The following LRRC7 variants were observed in gnomAD, a reference collection of about 807,000 sequenced individuals.
The protein encoded by LRRC7 is leucine rich repeat containing 7.
Under a neutral mutation model 175.7 loss-of-function variants are expected in LRRC7, and 23 were observed. The observed-to-expected ratio is 0.13, with a 90% confidence interval of 0.09 to 0.19. The LOEUF is 0.19. Among genes scored for constraint, LRRC7 ranks in the 10% least tolerant of loss-of-function variants. The probability of loss-of-function intolerance (pLI) is 1.00; values close to 1 mark genes in which losing one functional copy is unlikely to be tolerated. For missense variants in LRRC7, 1,354 were observed against 1,904.7 expected (o/e 0.71, Z 5.38); for synonymous variants, 685 against 680.9 (o/e 1.01, Z -0.09).
intron 4 of LRRC7, among the ~76,000 whole-genome samples, chr1:69,793,950 G>T (rs1320082128): frequency 1.3e-5 from 2 of 150,838 alleles, no homozygotes; most frequent in Non-Finnish European, 3.0e-5. Flanking sequence ...AATCACTGTG[G>T]ATAAGACTGA....
intron 1 of LRRC7, among the ~76,000 whole-genome samples, chr1:69,665,918 C>A (rs1386075406): frequency 6.6e-6 from 1 of 151,880 alleles, no homozygotes; most frequent in East Asian, 1.9e-4. Context: ...TAGAAAAAGG[C>A]TTTCAGGTTT....
rs1666903867 is a variant in LRRC7, at chr1:70,137,079, A to G, written c.*15192A>G. ...CGTTTTCTGTTATCTCAGGAAGGAA[A>G]GTTCTTGTCCCTTGTATATATGTAT... On this transcript the variant is annotated 3_prime_UTR_variant, in exon 27 of 27. Coordinates refer to ENST00000651989, the MANE Select transcript of LRRC7 (RefSeq NM_001370785.2). Among the ~76,000 whole-genome samples the G allele has an allele frequency of 6.6e-6, 1 of 152,148 alleles. No homozygotes were observed. The highest frequency in any genetic ancestry group is 1.5e-5 in the Non-Finnish European group (1 of 68,024).
intron 8 of LRRC7, among the ~76,000 whole-genome samples, chr1:69,976,794 C>A (rs998477159): frequency 1.3e-5 from 2 of 152,166 alleles, no homozygotes; most frequent in African/African-American, 4.8e-5. Flanking sequence ...AAGGTACTGT[C>A]CTCAGTCAAC....
chr1:69,909,783 T>C (rs1012517121), intron 7 of LRRC7, among the ~76,000 whole-genome samples: 5 of 152,112 alleles, frequency 3.3e-5, no homozygotes, highest in Non-Finnish European at 7.4e-5. Flanking sequence ...ATCTTTGTGG[T>C]GTTCTCTGTA....
chr1:69,607,625 T>C (rs2100221147), intron 1 of LRRC7: 1 of 152,230 alleles, frequency 6.6e-6, no homozygotes, highest in Admixed American at 6.5e-5. Context: ...GATGGGTTAA[T>C]TTTGTCCTTA....
intron 1 of LRRC7, among the ~76,000 whole-genome samples, chr1:69,577,276 C>T (rs1157818569): frequency 6.6e-6 from 1 of 152,094 alleles, no homozygotes; most frequent in Non-Finnish European, 1.5e-5. Context: ...TCTCCTTCCC[C>T]CTCTTCCCTA....
At chr1:69,661,414 G>T (rs1265956670) in intron 1 of LRRC7, among the ~76,000 whole-genome samples, 5 of 152,108 alleles carry the variant, frequency 3.3e-5, no homozygotes, top group African/African-American at 1.2e-4. Context: ...CAACATCCCA[G>T]AAATTATAAC....
At chr1:70,064,895 T>C (rs1373410788) in intron 23 of LRRC7, among the ~76,000 whole-genome samples, 2 of 152,008 alleles carry the variant, frequency 1.3e-5, no homozygotes, top group Non-Finnish European at 2.9e-5. Flanking sequence ...TAAGCACAAC[T>C]TAAACTTTAA....
intron 3 of LRRC7, among the ~76,000 whole-genome samples, chr1:69,784,500 C>T (rs1437939192): frequency 6.6e-6 from 1 of 152,144 alleles, no homozygotes; most frequent in Non-Finnish European, 1.5e-5. Context: ...GGTTCCTCTC[C>T]TTGAGGAGCT....
chr1:69,667,100 G>A (rs1658380038), intron 1 of LRRC7, among the ~76,000 whole-genome samples: 1 of 151,976 alleles, frequency 6.6e-6, no homozygotes, highest in Admixed American at 6.6e-5. Flanking sequence ...ATTTTCATGT[G>A]TTTGTGTATT....
chr1:70,077,567 T>A (rs1244443847), intron 24 of LRRC7, among the ~76,000 whole-genome samples: 25 of 152,186 alleles, frequency 1.6e-4, no homozygotes, highest in Admixed American at 1.6e-3. Context: ...AACAGCTACA[T>A]GGTTTTTTCC....
chr1:69,857,412 A>C lies in LRRC7; in HGVS notation c.647+19129A>C, dbSNP rs912943203. Among the ~76,000 whole-genome samples the C allele has an allele frequency of 1.7e-4, 26 of 152,330 alleles. 1 individual carries two copies. Among genetic ancestry groups the C allele is most frequent in the African/African-American group, 6.3e-4 (26 of 41,582 alleles). On this transcript the variant is annotated intron_variant, in intron 7 of 26. Transcript: ENST00000651989. Reference sequence around the variant, plus strand: ...CCTTAAGCTGATAAGCAACTTCAGCAAACTCTCAGGATACAAAATCAATGT... The same window carrying C: ...CCTTAAGCTGATAAGCAACTTCAGCCAACTCTCAGGATACAAAATCAATGT...
chr1:69,579,374 A>G (rs1466413200), intron 1 of LRRC7, among the ~76,000 whole-genome samples: 2 of 152,168 alleles, frequency 1.3e-5, no homozygotes, highest in East Asian at 3.8e-4. Context: ...TAAAAAATAA[A>G]AAAGGTTAAA....
chr1:69,660,817 G>A (rs1193974574), intron 1 of LRRC7, among the ~76,000 whole-genome samples: 1 of 152,160 alleles, frequency 6.6e-6, no homozygotes, highest in South Asian at 2.1e-4. Context: ...TGGAGTGTTG[G>A]AGGCAGTGCA....
rs57622433 is a variant in LRRC7 at position 69,807,889 on chromosome 1, C to T, written c.421+15729C>T. 7.6e-3 allele frequency among the ~76,000 whole-genome samples: 1,152 copies of T among 151,992 alleles called. 15 individuals are homozygous for T. Among genetic ancestry groups the T allele is most frequent in the African/African-American group, 0.026 (1,069 of 41,482 alleles). ...TTCTCCCGGATAATATCCTGAAGCA[C>T]GCTTTCCAACTTGGCTCCATTCTCC... is the stretch of plus-strand genomic sequence containing the variant. On this transcript the variant is annotated intron_variant, in intron 4 of 26. Coordinates refer to ENST00000651989, the MANE Select transcript of LRRC7 (RefSeq NM_001370785.2).
chr1:70,039,352 C>T lies in LRRC7; in HGVS notation c.3528C>T (p.Pro1176=), dbSNP rs750350685. 48 of 1,613,910 alleles carry T rather than the reference C, an allele frequency of 3.0e-5. No individual in the cohort carries two copies. The highest frequency in any genetic ancestry group is 3.9e-5 in the Non-Finnish European group (46 of 1,180,016). ...GGGTCAATGAGCCTCATGAGCTGCC[C>T]CCAACTGATAGGTACGGCAGACCCC... The part of the protein sequence containing the change: ...FRRVNEPHEL[P]PTDRYGRPPY... Residue 1176 remains proline (P), a synonymous_variant, in exon 21 of 27, where the codon CCC becomes CCT. Transcript: ENST00000651989.
rs536672766 is a variant in LRRC7 at position 69,913,519 on chromosome 1, G to T, written c.648-17988G>T. On this transcript the variant is annotated intron_variant, in intron 7 of 26. Coordinates refer to ENST00000651989, the MANE Select transcript of LRRC7 (RefSeq NM_001370785.2). ...TGTTCCAGAAGTTTCCTTTTTTTTT[G>T]TTTTTTGTGAGATGGGAGTTTCACT... is the stretch of plus-strand genomic sequence containing the variant. Among the ~76,000 whole-genome samples, 503 of 150,380 alleles carry T rather than the reference G, an allele frequency of 3.3e-3. 2 individuals are homozygous for T. Among genetic ancestry groups the T allele is most frequent in the African/African-American group, 0.011 (447 of 41,000 alleles).
intron 2 of LRRC7, among the ~76,000 whole-genome samples, chr1:69,737,565 A>C (rs1668260596): frequency 6.6e-6 from 1 of 151,736 alleles, no homozygotes. Context: ...TGACCCAGAG[A>C]CTCCCCCACA....
chr1:70,023,356 C>T lies in LRRC7; in HGVS notation c.1776C>T (p.Pro592=). The change falls in exon 17 of 27, where the codon CCC becomes CCT. Residue 592 remains proline (P), a synonymous_variant. Transcript: ENST00000651989. ...TTGCAGCACAATCCACCACTCTTCC[C>T]TCTCTAAGTGGCAGACAGGTAGGCC... is the stretch of plus-strand genomic sequence containing the variant. The part of the protein sequence containing the change: ...LPVAAQSTTL[P]SLSGRQVEIN... The T allele has an allele frequency of 6.3e-7, 1 of 1,599,062 alleles. No homozygotes were observed. Among genetic ancestry groups the T allele is most frequent in the Non-Finnish European group, 8.5e-7 (1 of 1,170,546 alleles).
Sources: allele counts gnomAD v4.1 joint callset (sites outside exome capture counted in the v4.1 genomes callset), GRCh38; gene constraint gnomAD v4.1.1; transcripts MANE v1.5; gene names NCBI Gene and HGNC (gene_info 2026-07-23, HGNC 2026-07-21).